FOXO1: variants seen among roughly 807,000 people sequenced by gnomAD.
The protein encoded by FOXO1 is forkhead box protein O1.
FOXO1 carries 6 observed loss-of-function variants against 44.1 expected under a neutral mutation model. The ratio of observed to expected loss-of-function variants is 0.14; its 90% CI spans 0.07 to 0.27. The LOEUF is 0.27. FOXO1 is among the 10% of genes least tolerant of loss of function. The pLI, the probability that FOXO1 is intolerant of heterozygous loss-of-function variation, is 1.00. For synonymous variants in FOXO1, 380 were observed against 362.7 expected (o/e 1.05, Z -0.54); for missense variants, 737 against 888.8 (o/e 0.83, Z 2.17).
chr13:40,633,429 T>G (rs1410036853), intron 1 of FOXO1, among the ~76,000 whole-genome samples: 1 of 152,220 alleles, frequency 6.6e-6, no homozygotes, highest in Non-Finnish European at 1.5e-5. Context: ...AATGGCATAT[T>G]AATTGGTAAT....
chr13:40,609,546 T>A (rs1337722429), intron 1 of FOXO1, among the ~76,000 whole-genome samples: 3 of 152,208 alleles, frequency 2.0e-5, no homozygotes, highest in African/African-American at 7.2e-5. Flanking sequence ...AAATGAAGGC[T>A]AATTTCTTCA....
intron 1 of FOXO1, chr13:40,620,393 T>C: frequency 1.5e-6 from 1 of 674,960 alleles, no homozygotes; most frequent in Non-Finnish European, 2.7e-6. Flanking sequence ...TTCAAACCTA[T>C]GTTAGTACCA....
intron 1 of FOXO1, among the ~76,000 whole-genome samples, chr13:40,645,319 T>C (rs1877475103): frequency 6.6e-6 from 1 of 152,200 alleles, no homozygotes; most frequent in Non-Finnish European, 1.5e-5. Context: ...AAAACTATGG[T>C]AAGACAAACA....
At chr13:40,625,861 T>G (rs1402147643) in intron 1 of FOXO1, among the ~76,000 whole-genome samples, 1 of 152,226 alleles carries the variant, frequency 6.6e-6, no homozygotes, top group African/African-American at 2.4e-5. Flanking sequence ...CAAGGCAGTA[T>G]AGTTTATCAA....
chr13:40,581,331 G>C (rs904722026), intron 1 of FOXO1, among the ~76,000 whole-genome samples: 1 of 152,172 alleles, frequency 6.6e-6, no homozygotes, highest in Non-Finnish European at 1.5e-5. Flanking sequence ...GCAGAGGGCT[G>C]TCTTCATACA....
At chr13:40,612,957 C>T (rs1876285200) in intron 1 of FOXO1, among the ~76,000 whole-genome samples, 2 of 152,134 alleles carry the variant, frequency 1.3e-5, no homozygotes, top group South Asian at 4.1e-4. Context: ...ATTTTAATGG[C>T]AACGTTTTAA....
intron 1 of FOXO1, among the ~76,000 whole-genome samples, chr13:40,589,415 GTTACTTAAATTCAAAACTTGCTAA>G (rs1451344754): frequency 6.6e-6 from 1 of 152,138 alleles, no homozygotes; most frequent in Non-Finnish European, 1.5e-5. Flanking sequence ...TCCATTTCAA[GTTACTTAAATTCAAAACTTGCTAA>G]TAATAGAAAC....
At chr13:40,636,804 TA>T (rs2137918384) in intron 1 of FOXO1, among the ~76,000 whole-genome samples, 1 of 152,226 alleles carries the variant, frequency 6.6e-6, no homozygotes, top group East Asian at 1.9e-4. Flanking sequence ...CAAAAAATAA[TA>T]ATAATATTGT....
intron 1 of FOXO1, among the ~76,000 whole-genome samples, chr13:40,594,223 G>T (rs1452692079): frequency 6.6e-6 from 1 of 152,108 alleles, no homozygotes; most frequent in Non-Finnish European, 1.5e-5. Context: ...TGAACAAAAA[G>T]ACCCACCTGA....
At chr13:40,663,543 G>A (rs537780186) in intron 1 of FOXO1, among the ~76,000 whole-genome samples, 152 of 152,064 alleles carry the variant, frequency 1.0e-3, no homozygotes, top group Non-Finnish European at 1.8e-3. Context: ...TTTTTAAATG[G>A]CTAATACTCT....
intron 1 of FOXO1, among the ~76,000 whole-genome samples, chr13:40,599,247 T>C (rs1033860059): frequency 6.6e-6 from 1 of 151,686 alleles, no homozygotes; most frequent in South Asian, 2.1e-4. Flanking sequence ...AAGGTCTGTT[T>C]GCAGAGTTAG....
rs143723749 is a variant in FOXO1, at chr13:40,645,258, C to T, written c.630+20325G>A. ...CTGCCAGAAAAACTGTTTCCCTCCC[C>T]TTCCCTGCTCATTTTAAAGGTCCTA... On this transcript the variant is annotated intron_variant, in intron 1 of 2. Coordinates refer to ENST00000379561, the MANE Select transcript of FOXO1 (RefSeq NM_002015.4). Among the ~76,000 whole-genome samples the T allele has an allele frequency of 2.0e-5, 3 of 152,328 alleles. No homozygotes were observed. The East Asian group carries it at 5.8e-4, about 29-fold the overall frequency.
intron 1 of FOXO1, among the ~76,000 whole-genome samples, chr13:40,567,989 T>C (rs1431238799): frequency 6.6e-6 from 1 of 151,914 alleles, no homozygotes; most frequent in Non-Finnish European, 1.5e-5. Flanking sequence ...ATTTACACAA[T>C]GTGATTTGCT....
intron 1 of FOXO1, among the ~76,000 whole-genome samples, chr13:40,622,428 G>A (rs1876647280): frequency 6.6e-6 from 1 of 152,188 alleles, no homozygotes. Flanking sequence ...ACTGTAGGAA[G>A]AGCTAGACTT....
At chr13:40,660,400 G>C (rs907745272) in intron 1 of FOXO1, among the ~76,000 whole-genome samples, 9 of 152,236 alleles carry the variant, frequency 5.9e-5, no homozygotes, top group Non-Finnish European at 1.0e-4. Context: ...GAACTGGGTA[G>C]TTTCCAAGGG....
chr13:40,567,951 G>A (rs1284454255), intron 1 of FOXO1, among the ~76,000 whole-genome samples: 1 of 151,536 alleles, frequency 6.6e-6, no homozygotes, highest in Middle Eastern at 3.2e-3. Context: ...CTGGGCAACA[G>A]AGCAAGACTC....
At chr13:40,656,955 C>T (rs1490390608) in intron 1 of FOXO1, among the ~76,000 whole-genome samples, 3 of 151,988 alleles carry the variant, frequency 2.0e-5, no homozygotes, top group African/African-American at 7.3e-5. Context: ...CTCAGCCTCC[C>T]GAGTAGCTGT....
At chr13:40,612,727 T>C (rs1453241605) in intron 1 of FOXO1, among the ~76,000 whole-genome samples, 2 of 152,246 alleles carry the variant, frequency 1.3e-5, no homozygotes, top group African/African-American at 2.4e-5. Context: ...CATTCATCTA[T>C]CTTTTATTAC....
chr13:40,635,021 T>C (rs1441832379), intron 1 of FOXO1, among the ~76,000 whole-genome samples: 2 of 152,142 alleles, frequency 1.3e-5, no homozygotes, highest in South Asian at 2.1e-4. Context: ...AATTTCAACA[T>C]CAATTTAGCA....
Sources: gnomAD v4.1 joint callset for allele counts (sites outside exome capture counted in the v4.1 genomes callset) on GRCh38, gnomAD v4.1.1 for gene constraint, MANE v1.5 for transcripts, NCBI Gene and HGNC (gene_info 2026-07-23, HGNC 2026-07-21) for gene names.